Variants in HMOX2 observed in about 807,000 individuals in gnomAD.
The protein encoded by HMOX2 is heme oxygenase (decycling) 2.
A neutral mutation model predicts 33.7 loss-of-function variants in HMOX2; 30 were observed. The ratio of observed to expected loss-of-function variants is 0.89; its 90% CI spans 0.67 to 1.21. The LOEUF is 1.21. Ranked by LOEUF, HMOX2 falls within the 50% of genes most tolerant of loss-of-function variation. HMOX2 has a pLI of 0.00. For synonymous variants in HMOX2, 155 were observed against 155.0 expected (o/e 1.00, Z 0.00); for missense variants, 403 against 399.1 (o/e 1.01, Z -0.08).
intron 1 of HMOX2, among the ~76,000 whole-genome samples, chr16:4,476,882 C>A (rs1342862768): frequency 1.3e-5 from 2 of 152,198 alleles, no homozygotes. Context: ...GCGGTGCAGA[C>A]AGGGGATGCC....
chr16:4,479,568 GA>G (rs2057960316), intron 1 of HMOX2: 1 of 152,018 alleles, frequency 6.6e-6, no homozygotes, highest in Non-Finnish European at 1.5e-5. Flanking sequence ...TCAGCTTAGG[GA>G]AAAAATTAAT....
At chr16:4,481,925 C>G (rs529443525) in intron 1 of HMOX2, 3 of 152,332 alleles carry the variant, frequency 2.0e-5, no homozygotes, top group African/African-American at 7.2e-5. Context: ...ATGAGCAAAG[C>G]TGAGTGTGGA....
intron 1 of HMOX2, among the ~76,000 whole-genome samples, chr16:4,485,091 G>A (rs950447872): frequency 6.6e-6 from 1 of 151,908 alleles, no homozygotes; most frequent in Non-Finnish European, 1.5e-5. Flanking sequence ...TTAGCCTCCC[G>A]AGTAGCTGGG....
chr16:4,484,482 A>T (rs12596749), intron 1 of HMOX2, among the ~76,000 whole-genome samples: 71,082 of 133,536 alleles, frequency 0.53, 22,225 homozygotes, highest in Non-Finnish European at 0.69. Context: ...TTTTTTTGAG[A>T]CGGAGTCTTG....
At chr16:4,478,841 T>C (rs769866666) in intron 1 of HMOX2, among the ~76,000 whole-genome samples, 35 of 151,110 alleles carry the variant, frequency 2.3e-4, no homozygotes, top group Non-Finnish European at 5.0e-4. Flanking sequence ...CTTTAACTCC[T>C]TGGAAAGGAA....
chr16:4,509,380 A>G lies in HMOX2; in HGVS notation c.697-32A>G, dbSNP rs780986580. ...AAAAAAAAAAAGTATGGGCAGCCCAAAGATGGCTCAGTCGATCCTCTGCTC... is the reference window on the plus strand; with the variant it reads ...AAAAAAAAAAAGTATGGGCAGCCCAGAGATGGCTCAGTCGATCCTCTGCTC... On this transcript the variant is annotated intron_variant, in intron 4 of 5. Coordinates refer to ENST00000570646, the MANE Select transcript of HMOX2 (RefSeq NM_002134.4). 4 of 1,603,768 alleles carry G rather than the reference A, an allele frequency of 2.5e-6. No individual in the cohort carries two copies. In the South Asian group the frequency reaches 3.3e-5, roughly 13 times the overall value.
intron 1 of HMOX2, among the ~76,000 whole-genome samples, chr16:4,505,050 T>C (rs765938900): frequency 6.6e-6 from 1 of 152,178 alleles, no homozygotes; most frequent in Non-Finnish European, 1.5e-5. Flanking sequence ...CCAGATTCAC[T>C]GCTAGGATTT....
At chr16:4,479,980 C>G (rs1439635233) in intron 1 of HMOX2, among the ~76,000 whole-genome samples, 2 of 151,710 alleles carry the variant, frequency 1.3e-5, no homozygotes, top group Non-Finnish European at 2.9e-5. Context: ...CTCAGGTGAT[C>G]CGTCCACCTT....
intron 1 of HMOX2, among the ~76,000 whole-genome samples, chr16:4,482,699 C>G (rs1215412832): frequency 6.6e-6 from 1 of 152,152 alleles, no homozygotes; most frequent in African/African-American, 2.4e-5. Context: ...AAACACTTTA[C>G]TTACATTTAC....
chr16:4,503,498 G>A (rs764573133), intron 1 of HMOX2, among the ~76,000 whole-genome samples: 3 of 152,176 alleles, frequency 2.0e-5, no homozygotes, highest in African/African-American at 7.2e-5. Context: ...TCAAGAGAAG[G>A]TTCCATTTTT....
chr16:4,509,881 C>A lies in HMOX2; in HGVS notation c.*125C>A. On this transcript the variant is annotated 3_prime_UTR_variant, in exon 6 of 6. Coordinates refer to ENST00000570646, the MANE Select transcript of HMOX2 (RefSeq NM_002134.4). ...AAAATGCTGGGTTTAAGAAAGGCAA[C>A]CAATAAAAGCCAGATGCTAGAGCCT... The A allele has an allele frequency of 1.9e-6, 2 of 1,054,530 alleles. No homozygotes were observed. The highest frequency in any genetic ancestry group is 2.7e-6 in the Non-Finnish European group (2 of 739,150). The allele number at this position is 1,054,530 out of a possible 1,614,324, so 65.3% of individuals were successfully genotyped here.
Position 4,489,489 on chromosome 16 carries a change from C to T in HMOX2, c.-42+13002C>T, listed in dbSNP as rs181290221. On this transcript the variant is annotated intron_variant, in intron 1 of 5. Coordinates refer to ENST00000570646, the MANE Select transcript of HMOX2 (RefSeq NM_002134.4). ...TTTAAAAATTTTTTGAAACAGAGTC[C>T]TGCTGTGTCACATAGGCTGGAGTGC... is the stretch of plus-strand genomic sequence containing the variant. Among the ~76,000 whole-genome samples the T allele has an allele frequency of 1.2e-3, 189 of 152,128 alleles. 2 individuals carry two copies. In the Middle Eastern group the frequency reaches 0.027, roughly 22 times the overall value.
rs146745770 is a variant in HMOX2, at chr16:4,492,814, A to C, written c.-41-12670A>C. Among the ~76,000 whole-genome samples the C allele has an allele frequency of 3.0e-3, 450 of 152,216 alleles. 11 individuals carry two copies. In the East Asian group the frequency reaches 0.063, roughly 21 times the overall value. On this transcript the variant is annotated intron_variant, in intron 1 of 5. Coordinates refer to ENST00000570646, the MANE Select transcript of HMOX2 (RefSeq NM_002134.4). Reference sequence around the variant, plus strand: ...CACTTTGGGAGGCCGAGGCGGGCGGATCACTTGAGGTCAGCAGTTTGAGAC... The same window carrying C: ...CACTTTGGGAGGCCGAGGCGGGCGGCTCACTTGAGGTCAGCAGTTTGAGAC...
chr16:4,477,920 CAAAAA>C (rs78809813), intron 1 of HMOX2, among the ~76,000 whole-genome samples: 81,216 of 151,300 alleles, frequency 0.54, 24,923 homozygotes, highest in Non-Finnish European at 0.69. Context: ...GACCCTGTCT[CAAAAA>C]AGAAAAAAAT....
intron 1 of HMOX2, among the ~76,000 whole-genome samples, chr16:4,480,811 C>T (rs903421022): frequency 3.4e-5 from 5 of 148,306 alleles, no homozygotes; most frequent in African/African-American, 7.4e-5. Flanking sequence ...TGCCACCACG[C>T]CTGGCTAATT....
At chr16:4,494,394 C>G (rs1311424223) in intron 1 of HMOX2, among the ~76,000 whole-genome samples, 1 of 151,506 alleles carries the variant, frequency 6.6e-6, no homozygotes, top group Admixed American at 6.6e-5. Flanking sequence ...GATCTGTTTT[C>G]TCTTCGCTCC....
At chr16:4,509,188 C>A (rs1471160689) in intron 4 of HMOX2, among the ~76,000 whole-genome samples, 3 of 152,060 alleles carry the variant, frequency 2.0e-5, no homozygotes, top group Non-Finnish European at 4.4e-5. Context: ...ACACCATCTC[C>A]CCACAAAATT....
chr16:4,491,367 AG>A (rs2058301110), intron 1 of HMOX2, among the ~76,000 whole-genome samples: 1 of 152,182 alleles, frequency 6.6e-6, no homozygotes, highest in Non-Finnish European at 1.5e-5. Flanking sequence ...TTATTTTGCT[AG>A]GCCGGGCACT....
intron 1 of HMOX2, among the ~76,000 whole-genome samples, chr16:4,478,611 A>C (rs942300959): frequency 2.6e-5 from 4 of 151,772 alleles, no homozygotes; most frequent in African/African-American, 9.7e-5. Flanking sequence ...ATAATAATAC[A>C]AAAATTAGCT....
Sources: gnomAD v4.1 joint callset for allele counts (sites outside exome capture counted in the v4.1 genomes callset) on GRCh38, gnomAD v4.1.1 for gene constraint, MANE v1.5 for transcripts, NCBI Gene and HGNC (gene_info 2026-07-23, HGNC 2026-07-21) for gene names.